The following FKBP5 variants were observed in gnomAD, a reference collection of about 807,000 sequenced individuals.
The protein encoded by FKBP5 is FKBP prolyl isomerase 5, also known as peptidyl-prolyl cis-trans isomerase FKBP5.
In FKBP5, 23 loss-of-function variants were observed where a neutral mutation model predicts 50.5. The ratio of observed to expected loss-of-function variants is 0.46; its 90% CI spans 0.33 to 0.65. FKBP5 has a LOEUF of 0.65. Among genes scored for constraint, FKBP5 ranks in the 30% least tolerant of loss-of-function variants. The pLI is 0.02. For synonymous variants in FKBP5, 176 were observed against 190.6 expected, an observed-to-expected ratio of 0.92 and a Z score of 0.63; for missense variants, 411 against 553.1, an observed-to-expected ratio of 0.74 and a Z score of 2.58.
intron 5 of FKBP5, among the ~76,000 whole-genome samples, chr6:35,608,709 A>G (rs1763404936): frequency 6.6e-6 from 1 of 152,118 alleles, no homozygotes; most frequent in Non-Finnish European, 1.5e-5. Flanking sequence ...TAAAAAAGAA[A>G]ATAATCTTAG....
rs149055844 is a variant in FKBP5, at chr6:35,667,647, G to A, written c.-20+21157C>T. ...TATAATCCCAACACTTTGGGAGGCCGAGGCAGGTGGATCACCTGAGGTCAA... is the reference window on the plus strand; with the variant it reads ...TATAATCCCAACACTTTGGGAGGCCAAGGCAGGTGGATCACCTGAGGTCAA... On this transcript the variant is annotated intron_variant, in intron 1 of 10. Coordinates refer to ENST00000357266, the MANE Select transcript of FKBP5 (RefSeq NM_004117.4). Among the ~76,000 whole-genome samples the A allele has an allele frequency of 3.4e-4, 52 of 152,308 alleles. 1 individual carries two copies. The East Asian group carries it at 8.9e-3, about 26-fold the overall frequency.
Position 35,712,479 on chromosome 6 carries a change from T to C in FKBP5, c.-20+7849A>G, listed in dbSNP as rs144358371. 3.9e-4 allele frequency among the ~76,000 whole-genome samples: 60 copies of C among 151,990 alleles called. No homozygotes were observed. In the East Asian group the frequency reaches 0.011, roughly 27 times the overall value. ...ATGCCTGGAAGTTCAAAGAGAAGCA[T>C]TGAGACCCTTATGGTTTGCTAAGGA... On this transcript the variant is annotated intron_variant, in intron 2 of 11. Coordinates refer to the FKBP5 transcript ENST00000536438.
intron 1 of FKBP5, among the ~76,000 whole-genome samples, chr6:35,665,434 C>T (rs987807494): frequency 1.3e-5 from 2 of 151,902 alleles, no homozygotes; most frequent in East Asian, 1.9e-4. Context: ...ACTACAGGCG[C>T]GTGCCACCAC....
At chr6:35,650,250 A>G (rs1352977967) in intron 1 of FKBP5, among the ~76,000 whole-genome samples, 1 of 148,862 alleles carries the variant, frequency 6.7e-6, no homozygotes, top group Non-Finnish European at 1.5e-5. Flanking sequence ...GTATCACGCC[A>G]TGGTTGCACC....
intron 1 of FKBP5, among the ~76,000 whole-genome samples, chr6:35,683,762 C>G (rs958005378): frequency 2.0e-5 from 3 of 149,622 alleles, no homozygotes; most frequent in Non-Finnish European, 3.0e-5. Context: ...AGAATTTGGA[C>G]ATTCCTAGGC....
At chr6:35,642,870 G>T in intron 1 of FKBP5, 27 bp from the exon 2 acceptor site, 1 of 1,506,578 alleles carries the variant, frequency 6.6e-7, no homozygotes. Flanking sequence ...TATTTTAGCT[G>T]GGAAAAATAT....
intron 7 of FKBP5, 63 bp downstream of exon 7, chr6:35,591,067 A>T: frequency 9.2e-7 from 1 of 1,092,184 alleles, no homozygotes; most frequent in Non-Finnish European, 1.4e-6. Flanking sequence ...TAAGATACTG[A>T]TTTATAGGAA....
chr6:35,689,440 C>T (rs1765939232), upstream of FKBP5, among the ~76,000 whole-genome samples: 1 of 152,072 alleles, frequency 6.6e-6, no homozygotes, highest in Non-Finnish European at 1.5e-5. Flanking sequence ...ACCAATTTAG[C>T]AGATATCACC....
At position 35,579,999 on chromosome 6, in the gene FKBP5, G is replaced by C. The variant is rs759651262; in HGVS notation, c.1026+37C>G. On this transcript the variant is annotated intron_variant, in intron 9 of 10. Coordinates refer to ENST00000357266, the MANE Select transcript of FKBP5 (RefSeq NM_004117.4). ...GACAGAGATGGAGAAAAGATCTGGA[G>C]TATCTAAAGTCCATCTCACAGGAGA... 1.0e-5 allele frequency: 15 copies of C among 1,466,696 alleles called. No homozygotes were observed. In the East Asian group the frequency reaches 3.3e-4, roughly 33 times the overall value. 90.9% of individuals were successfully genotyped at this position (1,466,696 alleles called of 1,614,324 possible). A position where few individuals can be genotyped will look rare whatever the true frequency, so the allele number is the denominator to read the frequency against.
chr6:35,702,500 T>C (rs1356123404), intron 2 of FKBP5, among the ~76,000 whole-genome samples: 1 of 151,674 alleles, frequency 6.6e-6, no homozygotes, highest in Non-Finnish European at 1.5e-5. Flanking sequence ...TCCCCCAGGC[T>C]GGAGTGCAGT....
intron 2 of FKBP5, among the ~76,000 whole-genome samples, chr6:35,641,080 A>G (rs1172329888): frequency 6.6e-6 from 1 of 152,178 alleles, no homozygotes; most frequent in African/African-American, 2.4e-5. Flanking sequence ...CCAGGCTTAC[A>G]TGATCCTCCT....
chr6:35,662,514 G>A (rs779920038), intron 1 of FKBP5, among the ~76,000 whole-genome samples: 2 of 151,598 alleles, frequency 1.3e-5, no homozygotes, highest in Non-Finnish European at 2.9e-5. Flanking sequence ...GAACTCCTGG[G>A]CTCAAGCGAT....
rs1762929623 is a variant in FKBP5 at position 35,594,749 on chromosome 6, C to T, written c.665+2499G>A. On this transcript the variant is annotated intron_variant, in intron 6 of 10. Transcript: ENST00000357266. ...CTACGCAATGCATATGCAGCAGTCTCATATTACAGAGAATGCACTTCACAT... is the reference window on the plus strand; with the variant it reads ...CTACGCAATGCATATGCAGCAGTCTTATATTACAGAGAATGCACTTCACAT... Among the ~76,000 whole-genome samples, 3 of 152,246 alleles carry T rather than the reference C, an allele frequency of 2.0e-5. No homozygotes were observed. The South Asian group carries it at 6.2e-4, about 32-fold the overall frequency.
chr6:35,608,508 A>C (rs1763398117), intron 5 of FKBP5, among the ~76,000 whole-genome samples: 1 of 152,066 alleles, frequency 6.6e-6, no homozygotes, highest in African/African-American at 2.4e-5. Flanking sequence ...CAGCTTGAGC[A>C]ATATAGCAAG....
chr6:35,701,140 C>G (rs748349190), intron 2 of FKBP5, among the ~76,000 whole-genome samples: 1 of 151,832 alleles, frequency 6.6e-6, no homozygotes, highest in Non-Finnish European at 1.5e-5. Flanking sequence ...TTAACTGGGA[C>G]ACACACTGAA....
chr6:35,719,426 A>C (rs1169447445), intron 2 of FKBP5, among the ~76,000 whole-genome samples: 1 of 152,238 alleles, frequency 6.6e-6, no homozygotes, highest in Non-Finnish European at 1.5e-5. Flanking sequence ...AAAATTCATC[A>C]GGCTGTACAC....
intron 2 of FKBP5, among the ~76,000 whole-genome samples, chr6:35,712,512 G>T (rs1435883185): frequency 6.6e-6 from 1 of 152,082 alleles, no homozygotes; most frequent in African/African-American, 2.4e-5. Flanking sequence ...GGAAGAGCTA[G>T]TTGGGCCTGG....
At chr6:35,633,629 C>A (rs778895766) in intron 3 of FKBP5, among the ~76,000 whole-genome samples, 1 of 151,208 alleles carries the variant, frequency 6.6e-6, no homozygotes, top group Non-Finnish European at 1.5e-5. Flanking sequence ...CAACTAAATA[C>A]GTTATGTTAT....
intron 1 of FKBP5, among the ~76,000 whole-genome samples, chr6:35,672,595 T>G (rs577626447): frequency 1.3e-5 from 2 of 152,026 alleles, no homozygotes; most frequent in African/African-American, 4.8e-5. Flanking sequence ...AGCTTACCAT[T>G]TGCAAAATGA....
Sources: gnomAD v4.1 joint callset for allele counts (sites outside exome capture counted in the v4.1 genomes callset) on GRCh38, gnomAD v4.1.1 for gene constraint, MANE v1.5 for transcripts, NCBI Gene and HGNC (gene_info 2026-07-23, HGNC 2026-07-21) for gene names.